CHL1: variants seen among roughly 807,000 people sequenced by gnomAD.
CHL1 encodes the protein cell adhesion molecule L1 like.
In CHL1, 96 loss-of-function variants were observed where a neutral mutation model predicts 141.9. The observed-to-expected ratio is 0.68, with a 90% confidence interval of 0.57 to 0.80. CHL1 has a LOEUF of 0.80. CHL1 is among the 30% of genes least tolerant of loss of function. CHL1 has a pLI of 0.00. For missense variants in CHL1, 1,820 were observed against 1,457.2 expected, an observed-to-expected ratio of 1.25 and a Z score of -4.05; for synonymous variants, 613 against 502.2, an observed-to-expected ratio of 1.22 and a Z score of -2.95.
At chr3:252,237 C>T (rs923622825) in intron 2 of CHL1, among the ~76,000 whole-genome samples, 1 of 150,972 alleles carries the variant, frequency 6.6e-6, no homozygotes, top group South Asian at 2.1e-4. Flanking sequence ...GGAGCCTCTT[C>T]TTGACTCTAT....
Position 214,771 on chromosome 3 carries a change from A to G in CHL1, c.-175+17708A>G, listed in dbSNP as rs571972790. 9.2e-5 allele frequency among the ~76,000 whole-genome samples: 14 copies of G among 152,334 alleles called. 1 individual carries two copies. The highest frequency in any genetic ancestry group is 6.2e-4 in the South Asian group (3 of 4,828). The stretch of plus-strand genomic sequence containing the variant: ...AGATATAACTTATTAAAAGTTCAAT[A>G]GGAATAAGTCCTCATGTTATGAGAG... On this transcript the variant is annotated intron_variant, in intron 1 of 27. Coordinates refer to ENST00000256509, the MANE Select transcript of CHL1 (RefSeq NM_006614.4).
intron 10 of CHL1, among the ~76,000 whole-genome samples, chr3:354,056 C>A (rs1703493032): frequency 6.6e-6 from 1 of 152,048 alleles, no homozygotes; most frequent in Non-Finnish European, 1.5e-5. Context: ...GTTTTGACTG[C>A]AGAAAGCTAA....
intron 2 of CHL1, among the ~76,000 whole-genome samples, chr3:257,781 G>A (rs929533017): frequency 6.6e-6 from 1 of 152,124 alleles, no homozygotes; most frequent in Non-Finnish European, 1.5e-5. Context: ...GTTTATAGCA[G>A]TGGAGAACAT....
intron 2 of CHL1, among the ~76,000 whole-genome samples, chr3:266,458 T>C (rs933520935): frequency 2.6e-5 from 4 of 152,160 alleles, no homozygotes; most frequent in African/African-American, 9.7e-5. Flanking sequence ...CTTACTTAGA[T>C]TTAAGTTTCT....
Position 328,339 on chromosome 3 carries a change from G to C in CHL1, c.370G>C (p.Glu124Gln), listed in dbSNP as rs1386401073. ...KLGIAMSEEI[E>Q]FIVPSVPKFP... ...GGGAATCGCTATGTCAGAAGAAATA[G>C]AATTTATAGTTCCAAGTAAGTACTA... The change falls in exon 5 of 28, where the codon GAA (glutamate) becomes CAA (glutamine). Residue 124 changes from glutamate to glutamine, a missense_variant. Physicochemically the swap from Glu to Gln is conservative, Grantham distance 29. Transcript: ENST00000256509. 1 of 1,610,590 alleles carries C rather than the reference G, an allele frequency of 6.2e-7. No homozygotes were observed. The highest frequency in any genetic ancestry group is 8.5e-7 in the Non-Finnish European group (1 of 1,178,306).
chr3:333,009 C>A (rs1701562256), intron 5 of CHL1, among the ~76,000 whole-genome samples: 1 of 151,342 alleles, frequency 6.6e-6, no homozygotes, highest in Non-Finnish European at 1.5e-5. Context: ...ATTATCTAGG[C>A]AGACCAAGTG....
intron 2 of CHL1, among the ~76,000 whole-genome samples, chr3:254,378 T>C (rs1361385695): frequency 6.6e-6 from 1 of 152,176 alleles, no homozygotes; most frequent in Admixed American, 6.5e-5. Context: ...GCTAGTGACA[T>C]GGCCTCTCTA....
At position 281,439 on chromosome 3, in the gene CHL1, C is replaced by A. The variant is rs2125296803; in HGVS notation, c.-95+36747C>A. 1.3e-5 allele frequency among the ~76,000 whole-genome samples: 2 copies of A among 152,218 alleles called. 1 individual carries two copies. Among genetic ancestry groups the A allele is most frequent in the South Asian group, 4.1e-4 (2 of 4,822 alleles). On this transcript the variant is annotated intron_variant, in intron 2 of 27. Transcript: ENST00000256509. ...TGGTAAAGTTGTGGTCATGTCGGTT[C>A]TCCTGGACTACCAGAGCCCAGAAAT...
intron 5 of CHL1, among the ~76,000 whole-genome samples, chr3:333,971 T>C (rs915616184): frequency 1.3e-5 from 2 of 152,116 alleles, no homozygotes; most frequent in African/African-American, 2.4e-5. Flanking sequence ...TTTGTTTTTG[T>C]TTTGAGACAG....
At chr3:276,120 A>C (rs1040010473) in intron 2 of CHL1, among the ~76,000 whole-genome samples, 24 of 152,114 alleles carry the variant, frequency 1.6e-4, no homozygotes, top group African/African-American at 5.5e-4. Flanking sequence ...TAAATATTAT[A>C]TATTCATTGT....
Position 382,150 on chromosome 3 carries a change from TC to T in CHL1, c.1877-28del. On this transcript the variant is annotated intron_variant, in intron 16 of 27. Coordinates refer to ENST00000256509, the MANE Select transcript of CHL1 (RefSeq NM_006614.4). The stretch of plus-strand genomic sequence containing the variant: ...GGAATCAGGTAAACAAAGGCAATTA[TC>T]TACATTTTCCCTTCCTTTATTAATT... 4 of 1,576,630 alleles carry T rather than the reference TC, an allele frequency of 2.5e-6. No individual in the cohort carries two copies. In the African/African-American group the frequency reaches 5.4e-5, roughly 21 times the overall value.
At chr3:282,586 A>C (rs1393039890) in intron 2 of CHL1, 1 of 152,120 alleles carries the variant, frequency 6.6e-6, no homozygotes, top group Non-Finnish European at 1.5e-5. Context: ...TTATTTTTGT[A>C]ATTTTCAAAG....
chr3:403,256 G>A (rs777756612), intron 27 of CHL1, among the ~76,000 whole-genome samples: 3 of 152,188 alleles, frequency 2.0e-5, no homozygotes, highest in Non-Finnish European at 1.5e-5. Flanking sequence ...CAGGGAGCAA[G>A]AGAGAGCACC....
At chr3:221,742 C>A (rs141023862) in intron 1 of CHL1, among the ~76,000 whole-genome samples, 2 of 152,194 alleles carry the variant, frequency 1.3e-5, no homozygotes, top group Non-Finnish European at 2.9e-5. Flanking sequence ...TAGATGTGCA[C>A]ACCATTGAAA....
chr3:266,264 A>G (rs1695138432), intron 2 of CHL1, among the ~76,000 whole-genome samples: 1 of 152,132 alleles, frequency 6.6e-6, no homozygotes, highest in Non-Finnish European at 1.5e-5. Context: ...TTGTAGGTCT[A>G]AAGACCTACA....
intron 16 of CHL1, among the ~76,000 whole-genome samples, chr3:380,009 C>T (rs1033622246): frequency 6.6e-6 from 1 of 152,086 alleles, no homozygotes; most frequent in Non-Finnish European, 1.5e-5. Flanking sequence ...TTCAGGATAT[C>T]ATTTTTTAAA....
intron 5 of CHL1, among the ~76,000 whole-genome samples, chr3:337,603 G>A (rs1702005377): frequency 6.7e-6 from 1 of 149,226 alleles, no homozygotes; most frequent in Non-Finnish European, 1.5e-5. Flanking sequence ...ACTTATGAGT[G>A]AGAACATGCA....
intron 9 of CHL1, among the ~76,000 whole-genome samples, 173 bp from the exon 10 acceptor site, chr3:349,186 T>C (rs11706228): frequency 0.85 from 129,130 of 152,178 alleles, 58,848 homozygotes; most frequent in East Asian, 1. Context: ...TCAACACCAG[T>C]GTTCACTATT....
chr3:323,616 T>G (rs1381564758), intron 3 of CHL1, among the ~76,000 whole-genome samples: 2 of 152,148 alleles, frequency 1.3e-5, no homozygotes, highest in Non-Finnish European at 2.9e-5. Context: ...ATTTTTTAAC[T>G]ACGTTATCTG....
Sources: gnomAD v4.1 joint callset for allele counts (sites outside exome capture counted in the v4.1 genomes callset) on GRCh38, gnomAD v4.1.1 for gene constraint, MANE v1.5 for transcripts, NCBI Gene and HGNC (gene_info 2026-07-23, HGNC 2026-07-21) for gene names.